The following HSD17B4 variants were observed in gnomAD, a reference collection of about 807,000 sequenced individuals.
HSD17B4 encodes hydroxysteroid 17-beta dehydrogenase 4, also known as peroxisomal multifunctional enzyme type 2.
In HSD17B4, 70 loss-of-function variants were observed where a neutral mutation model predicts 101.0. The observed-to-expected ratio is 0.69, with a 90% CI of 0.57 to 0.85. The LOEUF is 0.85. Ranked by LOEUF, HSD17B4 falls within the 40% of genes least tolerant of loss-of-function variation. The pLI is 0.00. For synonymous variants in HSD17B4, 347 were observed against 297.1 expected (o/e 1.17, Z -1.73); for missense variants, 984 against 892.4 (o/e 1.10, Z -1.31).
chr5:119,476,688 A>T, intron 6 of HSD17B4: 1 of 985,434 alleles, frequency 1.0e-6, no homozygotes, highest in South Asian at 4.7e-5. Context: ...AAGGGGGCCT[A>T]TGTTGGTGCT....
At chr5:119,503,581 G>A (rs1250410467) in intron 14 of HSD17B4, among the ~76,000 whole-genome samples, 1 of 152,142 alleles carries the variant, frequency 6.6e-6, no homozygotes, top group African/African-American at 2.4e-5. Flanking sequence ...CACACCAATT[G>A]ATGAGACACA....
At chr5:119,533,669 T>C (rs755651910) in intron 22 of HSD17B4, among the ~76,000 whole-genome samples, 5 of 151,938 alleles carry the variant, frequency 3.3e-5, no homozygotes, top group Non-Finnish European at 7.4e-5. Flanking sequence ...CTGGACTAGA[T>C]TGTGGGGACT....
At chr5:119,484,263 C>G (rs1580578780) in intron 8 of HSD17B4, among the ~76,000 whole-genome samples, 2 of 152,286 alleles carry the variant, frequency 1.3e-5, no homozygotes, top group South Asian at 4.1e-4. Flanking sequence ...GTTCTATAGA[C>G]TATTCCTCAT....
chr5:119,467,803 A>C (rs1755962732), intron 2 of HSD17B4, among the ~76,000 whole-genome samples: 1 of 152,176 alleles, frequency 6.6e-6, no homozygotes, highest in South Asian at 2.1e-4. Flanking sequence ...ATGCACGTGG[A>C]GTGTCCTGGA....
Position 119,494,315 on chromosome 5 carries a change from T to C in HSD17B4, c.868+369T>C, listed in dbSNP as rs955275031. Among the ~76,000 whole-genome samples, 12 of 145,410 alleles carry C rather than the reference T, an allele frequency of 8.3e-5. No homozygotes were observed. The South Asian group carries it at 8.7e-4, about 11-fold the overall frequency. On this transcript the variant is annotated intron_variant, in intron 11 of 23. Transcript: ENST00000510025. ...TACCATATTTTTCTCTTTCTTCCTTTCTTTCTTTCTTTTCTTTCTTTCTTT... is the reference window on the plus strand; with the variant it reads ...TACCATATTTTTCTCTTTCTTCCTTCCTTTCTTTCTTTTCTTTCTTTCTTT...
At position 119,475,589 on chromosome 5, in the gene HSD17B4, A is replaced by G; in HGVS notation, c.281-117A>G. On this transcript the variant is annotated intron_variant, in intron 4 of 23. Transcript: ENST00000510025. Reference sequence around the variant, plus strand: ...TTTGTTTTGAAAGCACTCTTTACCTATTATATTTACTTTTTCATGGTTAAA... The same window carrying G: ...TTTGTTTTGAAAGCACTCTTTACCTGTTATATTTACTTTTTCATGGTTAAA... 6.3e-6 allele frequency: 5 copies of G among 796,026 alleles called. No individual in the cohort carries two copies. The East Asian group carries it at 1.3e-4, about 20-fold the overall frequency. 49.3% of individuals were successfully genotyped at this position (796,026 alleles called of 1,614,324 possible).
intron 8 of HSD17B4, 109 bp from the exon 9 acceptor site, chr5:119,489,083 C>G: frequency 2.6e-6 from 2 of 756,976 alleles, no homozygotes; most frequent in Non-Finnish European, 4.6e-6. Context: ...TATATACATA[C>G]TAATTTTGTT....
At chr5:119,533,155 G>A (rs1235509169) in intron 22 of HSD17B4, among the ~76,000 whole-genome samples, 1 of 152,080 alleles carries the variant, frequency 6.6e-6, no homozygotes, top group African/African-American at 2.4e-5. Flanking sequence ...TAGAACACAA[G>A]TGATAAGAGA....
intron 15 of HSD17B4, among the ~76,000 whole-genome samples, chr5:119,507,289 A>G (rs2126808091): frequency 6.6e-6 from 1 of 152,332 alleles, no homozygotes; most frequent in South Asian, 2.1e-4. Flanking sequence ...AACTTGGAAC[A>G]TATTTGAACA....
At chr5:119,531,095 G>A (rs910665135) in intron 21 of HSD17B4, among the ~76,000 whole-genome samples, 171 bp from the exon 22 acceptor site, 2 of 152,044 alleles carry the variant, frequency 1.3e-5, no homozygotes, top group Non-Finnish European at 2.9e-5. Flanking sequence ...AGAGGACTGA[G>A]GTTCTGAGTG....
rs779562627 is a variant in HSD17B4, at chr5:119,489,240, G to A, written c.671G>A (p.Trp224Ter). 1.2e-6 allele frequency: 2 copies of A among 1,612,810 alleles called. No homozygotes were observed. The highest frequency in any genetic ancestry group is 8.5e-7 in the Non-Finnish European group (1 of 1,179,108). The change falls in exon 9 of 24, where the codon TGG (tryptophan) becomes TAG (stop). Residue 224 changes from tryptophan to a stop codon, truncating the protein, a stop_gained. Coordinates refer to ENST00000510025, the MANE Select transcript of HSD17B4 (RefSeq NM_000414.4). LOFTEE classifies it high-confidence loss of function. The part of the protein sequence containing the change: ...KPEYVAPLVL[W>*]LCHESCEENG... ...GAGTATGTGGCACCTCTTGTCCTTTGGCTTTGTCACGAGAGTTGTGAGGAG... is the reference window on the plus strand; with the variant it reads ...GAGTATGTGGCACCTCTTGTCCTTTAGCTTTGTCACGAGAGTTGTGAGGAG...
chr5:119,478,695 CA>C, intron 7 of HSD17B4, 138 bp from the exon 8 acceptor site: 1 of 617,878 alleles, frequency 1.6e-6, no homozygotes, highest in Non-Finnish European at 2.9e-6. Context: ...ATTTTAGTTA[CA>C]TAAATCATGA....
intron 1 of HSD17B4, among the ~76,000 whole-genome samples, chr5:119,456,003 G>A (rs1299303993): frequency 1.3e-5 from 2 of 152,156 alleles, no homozygotes; most frequent in Non-Finnish European, 2.9e-5. Flanking sequence ...GGTGGTCTCT[G>A]TCTCACTTAC....
chr5:119,523,818 G>A (rs1035107410), intron 17 of HSD17B4, among the ~76,000 whole-genome samples: 1 of 152,094 alleles, frequency 6.6e-6, no homozygotes, highest in African/African-American at 2.4e-5. Flanking sequence ...TACTCTGTGA[G>A]AGTAAGTTCT....
chr5:119,534,908 A>G (rs562182265), intron 22 of HSD17B4, among the ~76,000 whole-genome samples: 1 of 152,180 alleles, frequency 6.6e-6, no homozygotes, highest in East Asian at 1.9e-4. Flanking sequence ...AATCATTTAA[A>G]ACAATTTCTG....
At chr5:119,490,783 G>A (rs1304461873) in intron 9 of HSD17B4, among the ~76,000 whole-genome samples, 2 of 152,132 alleles carry the variant, frequency 1.3e-5, no homozygotes, top group Non-Finnish European at 2.9e-5. Flanking sequence ...GGTCAGGCTG[G>A]TCTGGAACTC....
At chr5:119,483,489 C>T (rs934189472) in intron 8 of HSD17B4, among the ~76,000 whole-genome samples, 2 of 152,042 alleles carry the variant, frequency 1.3e-5, no homozygotes, top group Non-Finnish European at 2.9e-5. Flanking sequence ...ATTATCTTTT[C>T]CCATATCATG....
intron 2 of HSD17B4, 199 bp downstream of exon 2, chr5:119,456,567 C>G: frequency 1.7e-6 from 1 of 582,178 alleles, no homozygotes; most frequent in Non-Finnish European, 3.0e-6. Context: ...CACAGAATTC[C>G]CAGCTTAACA....
intron 2 of HSD17B4, among the ~76,000 whole-genome samples, chr5:119,459,160 T>C (rs1424611941): frequency 6.6e-6 from 1 of 152,238 alleles, no homozygotes; most frequent in Non-Finnish European, 1.5e-5. Context: ...CCCTATGGGA[T>C]CTTGACAGCT....
Sources: gnomAD v4.1 joint callset for allele counts (sites outside exome capture counted in the v4.1 genomes callset) on GRCh38, gnomAD v4.1.1 for gene constraint, MANE v1.5 for transcripts, NCBI Gene and HGNC (gene_info 2026-07-23, HGNC 2026-07-21) for gene names.